FHIT: variants seen among roughly 807,000 people sequenced by gnomAD.
FHIT encodes fragile histidine triad diadenosine triphosphatase, also known as bis(5'-adenosyl)-triphosphatase.
A neutral mutation model predicts 17.9 loss-of-function variants in FHIT; 19 were observed. The observed-to-expected ratio is 1.06, with a 90% CI of 0.74 to 1.56. The LOEUF (loss-of-function observed/expected upper bound fraction) is 1.56. Among genes scored for constraint, FHIT ranks in the 40% most tolerant of loss-of-function variants. The probability of loss-of-function intolerance (pLI) is 0.00; values close to 1 mark genes in which losing one functional copy is unlikely to be tolerated. For missense variants in FHIT, 248 were observed against 189.2 expected (o/e 1.31, Z -1.82); for synonymous variants, 81 against 69.7 (o/e 1.16, Z -0.81).
chr3:60,564,742 T>C (rs548145492), intron 4 of FHIT, among the ~76,000 whole-genome samples: 2 of 152,292 alleles, frequency 1.3e-5, no homozygotes, highest in South Asian at 2.1e-4. Flanking sequence ...AATTGCTTTT[T>C]ATGGGTGAGC....
chr3:60,630,210 C>T (rs782181279), intron 4 of FHIT, among the ~76,000 whole-genome samples: 12 of 152,194 alleles, frequency 7.9e-5, no homozygotes, highest in Non-Finnish European at 2.9e-5. Context: ...AAAGTGTGTA[C>T]TCTGGTATCA....
intron 5 of FHIT, among the ~76,000 whole-genome samples, chr3:60,232,737 T>C (rs720285): frequency 0.42 from 64,312 of 151,958 alleles, 14,082 homozygotes; most frequent in African/African-American, 0.52. Flanking sequence ...CCATTCTGTT[T>C]GCTAAACACA....
intron 4 of FHIT, among the ~76,000 whole-genome samples, chr3:60,635,115 A>G (rs1243183262): frequency 6.6e-6 from 1 of 152,200 alleles, no homozygotes; most frequent in Non-Finnish European, 1.5e-5. Context: ...AGCAGATCTT[A>G]GGGACACAAA....
intron 5 of FHIT, among the ~76,000 whole-genome samples, chr3:60,047,126 C>T (rs759643775): frequency 3.7e-4 from 57 of 152,154 alleles, no homozygotes; most frequent in African/African-American, 9.9e-4. Context: ...AGCATACTGC[C>T]GTAATGTTCC....
At chr3:60,690,338 C>T in intron 4 of FHIT, 1 of 570,126 alleles carries the variant, frequency 1.8e-6, no homozygotes, top group Non-Finnish European at 3.4e-6. Flanking sequence ...CTGCCAAAGA[C>T]CACTTGCTTG....
At chr3:60,585,404 A>C (rs543260063) in intron 4 of FHIT, among the ~76,000 whole-genome samples, 1 of 152,192 alleles carries the variant, frequency 6.6e-6, no homozygotes, top group African/African-American at 2.4e-5. Context: ...GTAAAGCTGT[A>C]GTGGTAGTCA....
At chr3:60,077,807 A>T (rs933140340) in intron 5 of FHIT, among the ~76,000 whole-genome samples, 1 of 151,746 alleles carries the variant, frequency 6.6e-6, no homozygotes, top group African/African-American at 2.4e-5. Context: ...CAATATGATG[A>T]CTACAGTCAA....
intron 5 of FHIT, among the ~76,000 whole-genome samples, chr3:60,393,232 A>G (rs758709733): frequency 2.6e-5 from 4 of 152,116 alleles, no homozygotes; most frequent in Non-Finnish European, 4.4e-5. Flanking sequence ...ATTGCTTACA[A>G]AAGCATCTTA....
At chr3:59,878,939 C>T (rs1473888028) in intron 8 of FHIT, among the ~76,000 whole-genome samples, 1 of 151,964 alleles carries the variant, frequency 6.6e-6, no homozygotes, top group Non-Finnish European at 1.5e-5. Context: ...TAAACCCAAG[C>T]ATTCTGACTG....
chr3:60,286,721 G>C (rs374582713), intron 5 of FHIT, among the ~76,000 whole-genome samples: 1 of 152,126 alleles, frequency 6.6e-6, no homozygotes, highest in East Asian at 1.9e-4. Context: ...AATTGTTTTT[G>C]TATCAATGGG....
chr3:60,024,175 G>A (rs2106748070), intron 5 of FHIT, among the ~76,000 whole-genome samples: 1 of 152,248 alleles, frequency 6.6e-6, no homozygotes, highest in East Asian at 1.9e-4. Context: ...AGTGTTCTAT[G>A]CTTTTTAATA....
rs371009133 is a variant in FHIT at position 60,193,769 on chromosome 3, G to C, written c.104-179617C>G. Among the ~76,000 whole-genome samples, 5 of 152,274 alleles carry C rather than the reference G, an allele frequency of 3.3e-5. No homozygotes were observed. In the East Asian group the frequency reaches 7.7e-4, roughly 24 times the overall value. On this transcript the variant is annotated intron_variant, in intron 5 of 9. Coordinates refer to ENST00000492590, the MANE Select transcript of FHIT (RefSeq NM_002012.4). ...TTCACATATATGACTGTAGCACAGTGTGATATGTCCAATGTCAGGGGCCAG... is the reference window on the plus strand; with the variant it reads ...TTCACATATATGACTGTAGCACAGTCTGATATGTCCAATGTCAGGGGCCAG...
chr3:60,161,886 G>A (rs1405576400), intron 5 of FHIT, among the ~76,000 whole-genome samples: 2 of 152,054 alleles, frequency 1.3e-5, no homozygotes, highest in African/African-American at 2.4e-5. Flanking sequence ...TATCACAGGT[G>A]GATAAAGTCA....
chr3:60,440,667 C>A (rs2030717924), intron 5 of FHIT, among the ~76,000 whole-genome samples: 1 of 152,010 alleles, frequency 6.6e-6, no homozygotes. Context: ...CAAAGACTCC[C>A]CAAAGGTAAC....
intron 8 of FHIT, among the ~76,000 whole-genome samples, chr3:59,844,835 C>G (rs1701660405): frequency 6.6e-6 from 1 of 152,004 alleles, no homozygotes; most frequent in Non-Finnish European, 1.5e-5. Flanking sequence ...AGGAAGTGTT[C>G]CCTTTTATTT....
intron 4 of FHIT, among the ~76,000 whole-genome samples, chr3:60,706,486 C>A (rs1553703589): frequency 6.6e-6 from 1 of 152,146 alleles, no homozygotes; most frequent in Non-Finnish European, 1.5e-5. Flanking sequence ...GTTGAAAGAT[C>A]ATATCAGGGT....
At chr3:60,580,322 G>A (rs2734366) in intron 4 of FHIT, among the ~76,000 whole-genome samples, 44,154 of 151,898 alleles carry the variant, frequency 0.29, 6,626 homozygotes, top group South Asian at 0.42. Context: ...AAATGCTTAA[G>A]TGAACAAAAA....
intron 4 of FHIT, among the ~76,000 whole-genome samples, chr3:60,714,752 G>A (rs1259371328): frequency 5.3e-5 from 8 of 152,118 alleles, no homozygotes; most frequent in African/African-American, 1.9e-4. Flanking sequence ...TCTTCAAGGA[G>A]AACTACAAAC....
At chr3:60,430,701 A>G (rs542021858) in intron 5 of FHIT, among the ~76,000 whole-genome samples, 11 of 152,176 alleles carry the variant, frequency 7.2e-5, no homozygotes, top group South Asian at 4.2e-4. Flanking sequence ...TCAAGTTTAG[A>G]TAACAGTCAC....
Sources: gnomAD v4.1 joint callset for allele counts (sites outside exome capture counted in the v4.1 genomes callset) on GRCh38, gnomAD v4.1.1 for gene constraint, MANE v1.5 for transcripts, NCBI Gene and HGNC (gene_info 2026-07-23, HGNC 2026-07-21) for gene names.